Variants in MTUS2 observed in about 807,000 individuals in gnomAD.
The protein encoded by MTUS2 is microtubule associated scaffold protein 2, also known as microtubule-associated tumor suppressor candidate 2.
MTUS2 carries 40 observed loss-of-function variants against 114.1 expected under a neutral mutation model. That is an observed-to-expected ratio of 0.35 (90% CI 0.27 to 0.46). MTUS2 has a LOEUF of 0.46. Ranked by LOEUF, MTUS2 falls within the 20% of genes least tolerant of loss-of-function variation. The probability of loss-of-function intolerance (pLI) is 1.00; values close to 1 mark genes in which losing one functional copy is unlikely to be tolerated. For synonymous variants in MTUS2, 688 were observed against 672.0 expected, an observed-to-expected ratio of 1.02 and a Z score of -0.37; for missense variants, 1,679 against 1,705.4, an observed-to-expected ratio of 0.98 and a Z score of 0.27.
chr13:29,166,281 C>G (rs952073820), intron 5 of MTUS2, among the ~76,000 whole-genome samples: 18 of 152,216 alleles, frequency 1.2e-4, no homozygotes, highest in Non-Finnish European at 2.4e-4. Context: ...GATCCGTAGA[C>G]TTGAGGACGA....
chr13:29,144,578 C>G (rs2139014451), intron 5 of MTUS2, among the ~76,000 whole-genome samples: 1 of 152,154 alleles, frequency 6.6e-6, no homozygotes, highest in South Asian at 2.1e-4. Flanking sequence ...AAGTGATTTC[C>G]TTGTGCTATA....
At chr13:29,389,210 T>C (rs1031156569) in intron 8 of MTUS2, among the ~76,000 whole-genome samples, 2 of 150,096 alleles carry the variant, frequency 1.3e-5, no homozygotes, top group African/African-American at 4.9e-5. Context: ...TATATATTTT[T>C]TCAAATATAT....
chr13:29,471,747 C>G (rs562298093), intron 9 of MTUS2, among the ~76,000 whole-genome samples: 2 of 127,812 alleles, frequency 1.6e-5, no homozygotes, highest in South Asian at 5.7e-4. Context: ...GCCCAGCCCC[C>G]CCCGACACAT....
At chr13:29,447,079 G>A (rs1878336340) in intron 9 of MTUS2, among the ~76,000 whole-genome samples, 1 of 152,046 alleles carries the variant, frequency 6.6e-6, no homozygotes, top group African/African-American at 2.4e-5. Context: ...TTTTAAATTA[G>A]GGATGCTCAA....
intron 5 of MTUS2, among the ~76,000 whole-genome samples, chr13:29,172,016 A>G (rs1036003835): frequency 2.0e-5 from 3 of 152,206 alleles, no homozygotes; most frequent in Non-Finnish European, 4.4e-5. Context: ...CACATGCCCC[A>G]CTAAAGTAAT....
chr13:29,438,906 C>G (rs1566200468), intron 8 of MTUS2, among the ~76,000 whole-genome samples: 1 of 152,088 alleles, frequency 6.6e-6, no homozygotes, highest in Non-Finnish European at 1.5e-5. Flanking sequence ...CACACTTGTT[C>G]CCTGCGTCTA....
chr13:29,196,346 A>C (rs924445935), intron 5 of MTUS2, among the ~76,000 whole-genome samples: 5 of 152,060 alleles, frequency 3.3e-5, no homozygotes, highest in African/African-American at 1.2e-4. Context: ...ATCTGCCTGC[A>C]ACTACTACAG....
intron 4 of MTUS2, among the ~76,000 whole-genome samples, chr13:29,093,936 T>A (rs1282511014): frequency 3.3e-5 from 5 of 152,176 alleles, no homozygotes; most frequent in Non-Finnish European, 7.4e-5. Context: ...AGTTTAAATG[T>A]TTTTATCATG....
chr13:28,838,446 T>C (rs545521964), intron 1 of MTUS2, among the ~76,000 whole-genome samples: 1 of 152,306 alleles, frequency 6.6e-6, no homozygotes, highest in Admixed American at 6.5e-5. Context: ...CTACATTTAT[T>C]ACAAGACAGA....
chr13:29,493,548 C>T (rs1224401998), intron 12 of MTUS2, among the ~76,000 whole-genome samples: 1 of 152,194 alleles, frequency 6.6e-6, no homozygotes, highest in African/African-American at 2.4e-5. Flanking sequence ...TTCGATGGCT[C>T]ACTTTCCTCT....
chr13:29,501,029 T>C, intron 14 of MTUS2, 68 bp from the exon 15 acceptor site: 1 of 1,251,982 alleles, frequency 8.0e-7, no homozygotes. Flanking sequence ...TGCCCAGAGC[T>C]GAGGGCACCG....
At chr13:29,010,872 A>T (rs1277952833) in intron 2 of MTUS2, among the ~76,000 whole-genome samples, 2 of 152,088 alleles carry the variant, frequency 1.3e-5, no homozygotes, top group African/African-American at 2.4e-5. Flanking sequence ...CAGCAGTCAG[A>T]TGGTGGAGGA....
chr13:29,185,059 A>G (rs914950957), intron 5 of MTUS2, among the ~76,000 whole-genome samples: 2 of 152,156 alleles, frequency 1.3e-5, no homozygotes, highest in African/African-American at 4.8e-5. Context: ...CTAAATATAA[A>G]ATATCAAAAA....
At chr13:28,961,996 T>G (rs1477661272) in intron 2 of MTUS2, among the ~76,000 whole-genome samples, 2 of 151,924 alleles carry the variant, frequency 1.3e-5, no homozygotes, top group African/African-American at 4.8e-5. Flanking sequence ...ATTCTTGGAT[T>G]GCAGAGAATA....
chr13:29,141,849 A>C (rs1370915458), intron 5 of MTUS2, among the ~76,000 whole-genome samples: 1 of 151,954 alleles, frequency 6.6e-6, no homozygotes, highest in African/African-American at 2.4e-5. Flanking sequence ...TTGAAGTCTA[A>C]ATGGGGATCT....
chr13:28,960,915 A>T (rs1883297016), intron 2 of MTUS2, among the ~76,000 whole-genome samples: 1 of 152,208 alleles, frequency 6.6e-6, no homozygotes, highest in Non-Finnish European at 1.5e-5. Context: ...CACACTTGAA[A>T]AAAACGAAAG....
chr13:29,223,521 A>C (rs1047657155), intron 5 of MTUS2, among the ~76,000 whole-genome samples: 40 of 152,158 alleles, frequency 2.6e-4, no homozygotes, highest in African/African-American at 8.9e-4. Context: ...ATGTTGGGAC[A>C]ACCTGTCTGC....
At chr13:29,334,582 A>T (rs1900955375) in intron 7 of MTUS2, among the ~76,000 whole-genome samples, 1 of 152,142 alleles carries the variant, frequency 6.6e-6, no homozygotes, top group Non-Finnish European at 1.5e-5. Context: ...TGTTATTCTG[A>T]TGGGCTTCCC....
In MTUS2 at chr13:29,328,254, A is replaced by C. The variant is rs139909620; in HGVS notation, c.2905+3543A>C. On this transcript the variant is annotated intron_variant, in intron 7 of 15. Coordinates refer to ENST00000612955, the MANE Select transcript of MTUS2 (RefSeq NM_001033602.4). Reference sequence around the variant, plus strand: ...TGCCAAAATATGTTTAAAGAGGTACATTTTGAGTCAGTATGAGTGACCATG... The same window carrying C: ...TGCCAAAATATGTTTAAAGAGGTACCTTTTGAGTCAGTATGAGTGACCATG... 5.2e-3 allele frequency among the ~76,000 whole-genome samples: 792 copies of C among 152,388 alleles called. 3 individuals carry two copies. Among genetic ancestry groups the C allele is most frequent in the Non-Finnish European group, 8.1e-3 (548 of 68,038 alleles).
Sources: allele counts gnomAD v4.1 joint callset (sites outside exome capture counted in the v4.1 genomes callset), GRCh38; gene constraint gnomAD v4.1.1; transcripts MANE v1.5; gene names NCBI Gene and HGNC (gene_info 2026-07-23, HGNC 2026-07-21).